The following CACNB2 variants were observed in gnomAD, a reference collection of about 807,000 sequenced individuals.
The protein encoded by CACNB2 is calcium voltage-gated channel auxiliary subunit beta 2, also known as voltage-dependent L-type calcium channel subunit beta-2.
Under a neutral mutation model 73.3 loss-of-function variants are expected in CACNB2, and 42 were observed. The observed-to-expected ratio is 0.57, with a 90% CI of 0.45 to 0.74. The LOEUF (loss-of-function observed/expected upper bound fraction) is 0.74. CACNB2 is among the 30% of genes least tolerant of loss of function. CACNB2 has a pLI of 0.00. For synonymous variants in CACNB2, 348 were observed against 310.3 expected, an observed-to-expected ratio of 1.12 and a Z score of -1.28; for missense variants, 940 against 853.0, an observed-to-expected ratio of 1.10 and a Z score of -1.27.
rs777226536 is a variant in CACNB2, at chr10:18,280,911, CT to C, written c.214-121010del. Among the ~76,000 whole-genome samples, 224 of 152,262 alleles carry C rather than the reference CT, an allele frequency of 1.5e-3. 1 individual carries two copies. Among genetic ancestry groups the C allele is most frequent in the Non-Finnish European group, 2.8e-3 (191 of 68,014 alleles). ...ACTGTGTGCTTTACTATACTACATGCTTTGCACATGACTTAATTTACTGTTC... is the reference window on the plus strand; with the variant it reads ...ACTGTGTGCTTTACTATACTACATGCTTGCACATGACTTAATTTACTGTTC... On this transcript the variant is annotated intron_variant, in intron 2 of 13. Transcript: ENST00000324631.
chr10:18,483,008 C>G (rs2048867003), intron 3 of CACNB2, among the ~76,000 whole-genome samples: 1 of 152,058 alleles, frequency 6.6e-6, no homozygotes, highest in Non-Finnish European at 1.5e-5. Flanking sequence ...TTGTTTCGGC[C>G]CCTTCAAACA....
intron 13 of CACNB2, 100 bp from the exon 14 acceptor site, chr10:18,539,130 C>A: frequency 2.0e-6 from 3 of 1,486,028 alleles, no homozygotes; most frequent in Non-Finnish European, 1.9e-6. Flanking sequence ...TTCAGCTTTT[C>A]GGATGCTTAA....
chr10:18,429,110 CAATG>C (rs1285859166), intron 3 of CACNB2, among the ~76,000 whole-genome samples: 1 of 152,154 alleles, frequency 6.6e-6, no homozygotes, highest in Non-Finnish European at 1.5e-5. Context: ...AGATTTTTGA[CAATG>C]AAGTCTCTTT....
intron 2 of CACNB2, among the ~76,000 whole-genome samples, chr10:18,237,956 C>T (rs2036511685): frequency 1.3e-5 from 2 of 152,162 alleles, no homozygotes. Context: ...ATTGTAAAGG[C>T]TCCCATAGCC....
chr10:18,242,710 C>T (rs1357367067), intron 2 of CACNB2, among the ~76,000 whole-genome samples: 8 of 151,724 alleles, frequency 5.3e-5, no homozygotes, highest in Admixed American at 1.3e-4. Context: ...GTTGGCCGGG[C>T]GCAGTGGCTC....
chr10:18,484,259 T>C (rs2048941637), intron 3 of CACNB2, among the ~76,000 whole-genome samples: 1 of 151,980 alleles, frequency 6.6e-6, no homozygotes, highest in South Asian at 2.1e-4. Flanking sequence ...CCGGGCGTGG[T>C]GGCGGGCGCC....
intron 3 of CACNB2, among the ~76,000 whole-genome samples, chr10:18,472,221 CTTTTTTT>C (rs200348808): frequency 1.7e-5 from 2 of 119,384 alleles, no homozygotes; most frequent in African/African-American, 6.4e-5. Context: ...CACTTTTCTT[CTTTTTTT>C]TTTTTTTTTT....
At chr10:18,407,765 A>G (rs2044375500) in intron 3 of CACNB2, among the ~76,000 whole-genome samples, 1 of 151,998 alleles carries the variant, frequency 6.6e-6, no homozygotes, top group Non-Finnish European at 1.5e-5. Flanking sequence ...CATCTGCTCA[A>G]ATTATATTTG....
intron 6 of CACNB2, among the ~76,000 whole-genome samples, chr10:18,508,648 G>C (rs1225155567): frequency 6.6e-6 from 1 of 152,154 alleles, no homozygotes; most frequent in Admixed American, 6.5e-5. Flanking sequence ...TGGCAACACA[G>C]ATGCTCCCCA....
intron 2 of CACNB2, among the ~76,000 whole-genome samples, chr10:18,274,994 T>G (rs949665816): frequency 1.9e-4 from 29 of 152,330 alleles, no homozygotes; most frequent in African/African-American, 7.0e-4. Context: ...TAAAAGACAC[T>G]GATTTGGACT....
rs139509600 is a variant in CACNB2, at chr10:18,309,726, G to C, written c.214-92198G>C. Among the ~76,000 whole-genome samples, 614 of 152,166 alleles carry C rather than the reference G, an allele frequency of 4.0e-3. 4 individuals are homozygous for C. Among genetic ancestry groups the C allele is most frequent in the African/African-American group, 0.014 (591 of 41,504 alleles). ...CCCGCCTCAGCCTCCCAAAGTGCTG[G>C]GATTACAGGTGTGAGCCACCTCGCC... is the stretch of plus-strand genomic sequence containing the variant. On this transcript the variant is annotated intron_variant, in intron 2 of 13. Transcript: ENST00000324631.
chr10:18,426,955 A>ATTTTTTTTTT lies in CACNB2; in HGVS notation c.333+24920_333+24929dup, dbSNP rs551543429. On this transcript the variant is annotated intron_variant, in intron 3 of 13. Transcript: ENST00000324631. ...ATTTTATCAAATGTCCCTTTTCTAC[A>ATTTTTTTTTT]TTTTTTTTTTTTTTTTTGAGACTGA... Among the ~76,000 whole-genome samples the ATTTTTTTTTT allele has an allele frequency of 1.9e-3, 159 of 81,616 alleles. 1 individual carries two copies. Among genetic ancestry groups the ATTTTTTTTTT allele is most frequent in the African/African-American group, 2.8e-3 (51 of 18,502 alleles). The allele number at this position is 81,616 out of a possible 152,430, so 53.5% of individuals were successfully genotyped here. A position where few individuals can be genotyped will look rare whatever the true frequency, so the allele number is the denominator to read the frequency against.
intron 1 of CACNB2, 191 bp downstream of exon 1, chr10:18,141,047 G>T: frequency 3.9e-6 from 6 of 1,545,624 alleles, no homozygotes; most frequent in Non-Finnish European, 3.5e-6. Context: ...GCTCTGCCTC[G>T]GCTTCCATTT....
In CACNB2 at chr10:18,272,261, A is replaced by T. The variant is rs187310963; in HGVS notation, c.213+121286A>T. Among the ~76,000 whole-genome samples the T allele has an allele frequency of 1.4e-3, 217 of 152,302 alleles. 3 individuals carry two copies. The highest frequency in any genetic ancestry group is 4.7e-3 in the African/African-American group (197 of 41,562). ...TTCTAATTAGAACAAAGGCTTCTTA[A>T]TGACTTTCAAGGCTCGTAGTTAAGG... On this transcript the variant is annotated intron_variant, in intron 2 of 13. Coordinates refer to ENST00000324631, the MANE Select transcript of CACNB2 (RefSeq NM_201596.3).
intron 2 of CACNB2, among the ~76,000 whole-genome samples, chr10:18,223,162 C>T (rs1446651311): frequency 6.6e-6 from 1 of 152,164 alleles, no homozygotes; most frequent in African/African-American, 2.4e-5. Flanking sequence ...GCTAATTTTG[C>T]TTCAGAAAGA....
At position 18,495,591 on chromosome 10, in the gene CACNB2, G is replaced by GTGTA. The variant is rs768160446; in HGVS notation, c.334-2763_334-2762insGTAT. On this transcript the variant is annotated intron_variant, in intron 3 of 13. Transcript: ENST00000324631. Reference sequence around the variant, plus strand: ...TGTGTGTGTGTGTGTGTGTGTGTGTGTATAAGAGATGAGGTCTCACTTTGT... The same window carrying GTGTA: ...TGTGTGTGTGTGTGTGTGTGTGTGTGTGTATATAAGAGATGAGGTCTCACTTTGT... 6.4e-3 allele frequency among the ~76,000 whole-genome samples: 881 copies of GTGTA among 138,710 alleles called. 4 individuals are homozygous for GTGTA. The highest frequency in any genetic ancestry group is 0.015 in the Middle Eastern group (4 of 270). The allele number at this position is 138,710 out of a possible 152,430, so 91.0% of individuals were successfully genotyped here.
At chr10:18,484,461 G>A (rs2048956441) in intron 3 of CACNB2, among the ~76,000 whole-genome samples, 2 of 152,206 alleles carry the variant, frequency 1.3e-5, no homozygotes, top group South Asian at 2.1e-4. Context: ...CTAAGTGAGT[G>A]AAGTGTAACT....
intron 2 of CACNB2, among the ~76,000 whole-genome samples, chr10:18,220,702 C>T (rs945191701): frequency 3.3e-5 from 5 of 152,170 alleles, no homozygotes; most frequent in Non-Finnish European, 7.3e-5. Flanking sequence ...AGCCTGAGCT[C>T]CACCTCCTGT....
chr10:18,174,319 C>A (rs936074685), intron 2 of CACNB2, among the ~76,000 whole-genome samples: 2 of 143,352 alleles, frequency 1.4e-5, no homozygotes, highest in East Asian at 4.3e-4. Context: ...CTCCCTCCCT[C>A]CCCCCTCTTT....
Sources: allele counts gnomAD v4.1 joint callset (sites outside exome capture counted in the v4.1 genomes callset), GRCh38; gene constraint gnomAD v4.1.1; transcripts MANE v1.5; gene names NCBI Gene and HGNC (gene_info 2026-07-23, HGNC 2026-07-21).